The following LRCH3 variants were observed in gnomAD, a reference collection of about 807,000 sequenced individuals.
The protein encoded by LRCH3 is leucine rich repeats and calponin homology domain containing 3, also known as DISP complex protein LRCH3.
LRCH3 carries 68 observed loss-of-function variants against 104.5 expected under a neutral mutation model. That is an observed-to-expected ratio of 0.65 (90% CI 0.54 to 0.80). LRCH3 has a LOEUF of 0.80. Among genes scored for constraint, LRCH3 ranks in the 30% least tolerant of loss-of-function variants. LRCH3 has a pLI of 0.00. For missense variants in LRCH3, 951 were observed against 953.9 expected (o/e 1.00, Z 0.04); for synonymous variants, 344 against 361.3 (o/e 0.95, Z 0.54).
chr3:197,792,577 T>TATATATATATATATA (rs1730660774), intron 1 of LRCH3, among the ~76,000 whole-genome samples: 6 of 20,346 alleles, frequency 2.9e-4, no homozygotes, highest in Admixed American at 8.8e-4. Context: ...CCAGCTAATT[T>TATATATATATATATA]TATATATATA....
At chr3:197,867,893 G>A (rs1380264533) in intron 17 of LRCH3, among the ~76,000 whole-genome samples, 1 of 151,830 alleles carries the variant, frequency 6.6e-6, no homozygotes. Context: ...GCATGGTGGT[G>A]CAGGCCTGTA....
At chr3:197,855,878 C>T (rs1740182415) in intron 14 of LRCH3, among the ~76,000 whole-genome samples, 1 of 152,212 alleles carries the variant, frequency 6.6e-6, no homozygotes, top group African/African-American at 2.4e-5. Flanking sequence ...TAGTGTCCAA[C>T]CAACACTGTG....
rs769393323 is a variant in LRCH3, at chr3:197,826,993, A to G, written c.756A>G (p.Pro252=). The change falls in exon 5 of 21, where the codon CCA becomes CCG. Residue 252 remains proline (P), a synonymous_variant. Transcript: ENST00000425562. ...AGACGATCACCCTAGATAACAATCC[A>G]CTACAATCACCTCCTGCACAGGTAA... is the stretch of plus-strand genomic sequence containing the variant. The part of the protein sequence containing the change: ...HLQTITLDNN[P]LQSPPAQICI... 3 of 1,614,030 alleles carry G rather than the reference A, an allele frequency of 1.9e-6. No individual in the cohort carries two copies. In the Admixed American group the frequency reaches 5.0e-5, roughly 27 times the overall value.
intron 19 of LRCH3, 130 bp downstream of exon 19, chr3:197,871,592 G>A: frequency 8.0e-7 from 1 of 1,246,822 alleles, no homozygotes; most frequent in Non-Finnish European, 1.1e-6. Context: ...CTACCTTCCT[G>A]GTCTCACTTC....
At chr3:197,825,459 C>T (rs1222013436) in intron 4 of LRCH3, among the ~76,000 whole-genome samples, 8 of 56,830 alleles carry the variant, frequency 1.4e-4, no homozygotes, top group Admixed American at 1.9e-4. Context: ...TGTTGATCCT[C>T]TTTGATTTTT....
rs1312181526 is a variant in LRCH3 at position 197,826,909 on chromosome 3, C to T, written c.672C>T (p.Asp224=). The change falls in exon 5 of 21, where the codon GAC becomes GAT. Residue 224 remains aspartate (D), a synonymous_variant. Transcript: ENST00000425562. The part of the protein sequence containing the change: ...ELAELPLIRL[D]FSCNKITTIP... ...CGGAGTTGCCTTTGATACGGTTAGA[C>T]TTCTCATGCAATAAAATTACCACAA... 1.2e-6 allele frequency: 2 copies of T among 1,613,972 alleles called. No individual in the cohort carries two copies. Among genetic ancestry groups the T allele is most frequent in the East Asian group, 2.2e-5 (1 of 44,896 alleles).
intron 9 of LRCH3, 91 bp from the exon 10 acceptor site, chr3:197,839,230 A>G: frequency 1.2e-6 from 1 of 809,484 alleles, no homozygotes; most frequent in East Asian, 3.0e-5. Flanking sequence ...AGTGTAATAT[A>G]TAAATTAAAT....
intron 7 of LRCH3, 21 bp downstream of exon 7, chr3:197,830,884 G>A (rs760594615): frequency 9.6e-6 from 15 of 1,556,578 alleles, no homozygotes; most frequent in Admixed American, 5.0e-5. Flanking sequence ...TTTATGTTCC[G>A]TGTGTTATAA....
At chr3:197,837,039 A>G (rs1329866210) in intron 9 of LRCH3, among the ~76,000 whole-genome samples, 1 of 152,046 alleles carries the variant, frequency 6.6e-6, no homozygotes, top group African/African-American at 2.4e-5. Context: ...ATACTTTTGA[A>G]CACCGTATTT....
chr3:197,812,134 T>C (rs1733195362), intron 1 of LRCH3, among the ~76,000 whole-genome samples: 1 of 152,224 alleles, frequency 6.6e-6, no homozygotes, highest in Non-Finnish European at 1.5e-5. Context: ...CAGAACTTTT[T>C]TCATTATCCC....
intron 8 of LRCH3, 126 bp downstream of exon 8, chr3:197,832,443 T>C: frequency 2.3e-6 from 2 of 881,798 alleles, no homozygotes; most frequent in Non-Finnish European, 3.3e-6. Flanking sequence ...AAAGACTTCT[T>C]TTCATATATG....
At chr3:197,837,223 T>C (rs1277836349) in intron 9 of LRCH3, among the ~76,000 whole-genome samples, 1 of 152,190 alleles carries the variant, frequency 6.6e-6, no homozygotes. Flanking sequence ...CACATTATAA[T>C]CCTTAAAGGA....
intron 1 of LRCH3, among the ~76,000 whole-genome samples, chr3:197,813,243 T>C (rs1164180569): frequency 6.6e-6 from 1 of 152,204 alleles, no homozygotes; most frequent in African/African-American, 2.4e-5. Context: ...AATCCATTTA[T>C]ACTCTTTTAA....
At chr3:197,874,600 C>G (rs1028952322) in intron 19 of LRCH3, among the ~76,000 whole-genome samples, 2 of 152,180 alleles carry the variant, frequency 1.3e-5, no homozygotes, top group Non-Finnish European at 2.9e-5. Context: ...AACCATCCCC[C>G]CCAGCTCCAG....
Position 197,791,266 on chromosome 3 carries a change from T to C in LRCH3, c.-13T>C, listed in dbSNP as rs904599451. ...GCGCTGAGCTGGCGGGCCCGAGTGTTGTCGGCTGGGAAATGGCGGCCGCGG... is the reference window on the plus strand; with the variant it reads ...GCGCTGAGCTGGCGGGCCCGAGTGTCGTCGGCTGGGAAATGGCGGCCGCGG... On this transcript the variant is annotated 5_prime_UTR_variant, in exon 1 of 21. Coordinates refer to ENST00000425562, the MANE Select transcript of LRCH3 (RefSeq NM_001365715.1). The C allele has an allele frequency of 6.2e-7, 1 of 1,608,366 alleles. No homozygotes were observed. Among genetic ancestry groups the C allele is most frequent in the Non-Finnish European group, 8.5e-7 (1 of 1,178,508 alleles).
intron 1 of LRCH3, among the ~76,000 whole-genome samples, chr3:197,795,686 G>GTTTTTTTT (rs1167369678): frequency 1.6e-3 from 104 of 65,806 alleles, no homozygotes; most frequent in East Asian, 3.1e-3. Context: ...AAAAGTTGTT[G>GTTTTTTTT]TTTTTTTTTT....
intron 1 of LRCH3, among the ~76,000 whole-genome samples, chr3:197,792,218 G>C (rs930231911): frequency 6.6e-6 from 1 of 151,768 alleles, no homozygotes; most frequent in Admixed American, 6.6e-5. Flanking sequence ...AAAATAACTA[G>C]AGCCCACTTT....
At chr3:197,792,613 CAT>C (rs1157560343) in intron 1 of LRCH3, among the ~76,000 whole-genome samples, 2,005 of 48,766 alleles carry the variant, frequency 0.041, 124 homozygotes, top group South Asian at 0.077. Context: ...ATAAAATATA[CAT>C]ATATATATAA....
In LRCH3 at chr3:197,817,974, C is replaced by T. The variant is rs545397387; in HGVS notation, c.534+672C>T. On this transcript the variant is annotated intron_variant, in intron 3 of 20. Coordinates refer to ENST00000425562, the MANE Select transcript of LRCH3 (RefSeq NM_001365715.1). ...TAGCTGGGACCACAGGCGCCCGCCACCATGCCTGGTTAATTTTTTTGTATT... is the reference window on the plus strand; with the variant it reads ...TAGCTGGGACCACAGGCGCCCGCCATCATGCCTGGTTAATTTTTTTGTATT... 3.4e-4 allele frequency among the ~76,000 whole-genome samples: 52 copies of T among 152,132 alleles called. 1 individual carries two copies. Among genetic ancestry groups the T allele is most frequent in the Non-Finnish European group, 4.6e-4 (31 of 68,036 alleles).
Sources: gnomAD v4.1 joint callset for allele counts (sites outside exome capture counted in the v4.1 genomes callset) on GRCh38, gnomAD v4.1.1 for gene constraint, MANE v1.5 for transcripts, NCBI Gene and HGNC (gene_info 2026-07-23, HGNC 2026-07-21) for gene names.